MRTFA: variants seen among roughly 807,000 people sequenced by gnomAD.
The protein encoded by MRTFA is myocardin related transcription factor A, also known as myocardin-related transcription factor A.
Under a neutral mutation model 83.5 loss-of-function variants are expected in MRTFA, and 20 were observed. The ratio of observed to expected loss-of-function variants is 0.24; its 90% CI spans 0.17 to 0.35. MRTFA has a LOEUF of 0.35. MRTFA is among the 10% of genes least tolerant of loss of function. The probability of loss-of-function intolerance (pLI) is 1.00; values close to 1 mark genes in which losing one functional copy is unlikely to be tolerated. For synonymous variants in MRTFA, 659 were observed against 541.2 expected (o/e 1.22, Z -3.02); for missense variants, 1,200 against 1,224.7 (o/e 0.98, Z 0.30).
At position 40,418,660 on chromosome 22, in the gene MRTFA, G is replaced by A. The variant is rs1221781555; in HGVS notation, c.2078C>T (p.Pro693Leu). Residue 693 changes from proline (P) to leucine (L), a missense_variant, in exon 12 of 15, where the codon CCC (proline) becomes CTC (leucine). This residue lies in a region of MRTFA where 1,107 missense variants were observed against 1,041.8 expected (regional missense o/e 1.06). Coordinates refer to ENST00000355630, the MANE Select transcript of MRTFA (RefSeq NM_020831.6). ...CAGGCTGGGGTTGAATGGGTGAGCGGGGCCCAGGGGCTGCTGGCTCAGCTG... is the reference window on the plus strand; with the variant it reads ...CAGGCTGGGGTTGAATGGGTGAGCGAGGCCCAGGGGCTGCTGGCTCAGCTG... 1 of 1,527,308 alleles carries A rather than the reference G, an allele frequency of 6.5e-7. No homozygotes were observed. 94.6% of individuals were successfully genotyped at this position (1,527,308 alleles called of 1,614,324 possible).
chr22:40,433,298 T>G (rs1358274338), intron 5 of MRTFA: 1 of 152,544 alleles, frequency 6.6e-6, no homozygotes, highest in Non-Finnish European at 1.5e-5. Context: ...AAGGCATTCA[T>G]GACCACTGAA....
At chr22:40,470,659 G>C (rs1799599605) in intron 3 of MRTFA, among the ~76,000 whole-genome samples, 1 of 152,002 alleles carries the variant, frequency 6.6e-6, no homozygotes, top group African/African-American at 2.4e-5. Flanking sequence ...ACAGAAAACA[G>C]AAAAACAGGC....
At chr22:40,609,958 G>C (rs543626684) in intron 1 of MRTFA, among the ~76,000 whole-genome samples, 5 of 151,860 alleles carry the variant, frequency 3.3e-5, no homozygotes, top group African/African-American at 1.2e-4. Flanking sequence ...TCTAATCAGA[G>C]TAAAGAGGAT....
chr22:40,411,751 C>A lies in MRTFA; in HGVS notation c.2735G>T (p.Gly912Val), dbSNP rs201954672. Residue 912 changes from glycine to valine, a missense_variant, in exon 15 of 15, where the codon GGA (glycine) becomes GTA (valine). Gly to Val is a moderately radical substitution (Grantham distance 109). Coordinates refer to ENST00000355630, the MANE Select transcript of MRTFA (RefSeq NM_020831.6). ...GCTCTCCAGGAAGTCCTCCAGGCGTCCAGGGAGGGAGGGTGAGCCTGGAGG... is the reference window on the plus strand; with the variant it reads ...GCTCTCCAGGAAGTCCTCCAGGCGTACAGGGAGGGAGGGTGAGCCTGGAGG... 2.6e-6 allele frequency: 4 copies of A among 1,545,098 alleles called. No homozygotes were observed. Among genetic ancestry groups the A allele is most frequent in the Non-Finnish European group, 3.5e-6 (4 of 1,139,274 alleles).
Position 40,416,952 on chromosome 22 carries a change from G to A in MRTFA, c.2578+34C>T, listed in dbSNP as rs1443288296. The A allele has an allele frequency of 1.3e-6, 2 of 1,569,312 alleles. No homozygotes were observed. Among genetic ancestry groups the A allele is most frequent in the Non-Finnish European group, 1.7e-6 (2 of 1,154,538 alleles). ...CTAGAGACACCTATGAACAGAGAAGGCCGTCAGGGAGGCAGCAGGGGACCT... is the reference window on the plus strand; with the variant it reads ...CTAGAGACACCTATGAACAGAGAAGACCGTCAGGGAGGCAGCAGGGGACCT... On this transcript the variant is annotated intron_variant, in intron 14 of 14. Transcript: ENST00000355630. The surrounding 1 kb of genome is among the most constrained non-coding windows in gnomAD (Gnocchi z 4.2).
chr22:40,444,729 G>A (rs1055907078), intron 4 of MRTFA, among the ~76,000 whole-genome samples: 1 of 152,062 alleles, frequency 6.6e-6, no homozygotes, highest in Non-Finnish European at 1.5e-5. Context: ...CTGCATGGAG[G>A]TGGGCAGGGG....
intron 4 of MRTFA, among the ~76,000 whole-genome samples, chr22:40,457,228 G>C (rs559826805): frequency 6.6e-6 from 1 of 151,990 alleles, no homozygotes; most frequent in African/African-American, 2.4e-5. Context: ...AGCTGGGCGT[G>C]GTGGCCGGTC....
chr22:40,629,387 AG>A (rs1431188832), intron 1 of MRTFA, among the ~76,000 whole-genome samples: 3 of 151,632 alleles, frequency 2.0e-5, no homozygotes, highest in Admixed American at 6.6e-5. Flanking sequence ...CGGAGGTTGC[AG>A]TGAGCCAAGA....
At chr22:40,422,564 A>G (rs1255894986) in intron 9 of MRTFA, among the ~76,000 whole-genome samples, 1 of 152,240 alleles carries the variant, frequency 6.6e-6, no homozygotes, top group East Asian at 1.9e-4. Context: ...GAGGCCACTC[A>G]CTGCTCCCAA....
In MRTFA at chr22:40,538,985, C is replaced by CTTTTTTTTTTTTT. The variant is rs201694198; in HGVS notation, c.241+13120_241+13121insAAAAAAAAAAAAA. On this transcript the variant is annotated intron_variant, in intron 3 of 14. Coordinates refer to ENST00000355630, the MANE Select transcript of MRTFA (RefSeq NM_020831.6). ...GACATTATACTGCAGGATACACAGC[C>CTTTTTTTTTTTTT]TTTTGTTTTTTTTTTTTTTTTTTTT... Among the ~76,000 whole-genome samples the CTTTTTTTTTTTTT allele has an allele frequency of 4.7e-5, 5 of 106,888 alleles. 1 individual carries two copies. The highest frequency in any genetic ancestry group is 1.1e-4 in the African/African-American group (3 of 26,250). 70.1% of individuals were successfully genotyped at this position (106,888 alleles called of 152,430 possible). A position where few individuals can be genotyped will look rare whatever the true frequency, so the allele number is the denominator to read the frequency against.
intron 3 of MRTFA, among the ~76,000 whole-genome samples, chr22:40,519,296 T>G (rs547497393): frequency 2.2e-4 from 33 of 152,130 alleles, no homozygotes; most frequent in Non-Finnish European, 4.4e-4. Flanking sequence ...AATTTGAGGA[T>G]AAAACTCAGG....
intron 1 of MRTFA, among the ~76,000 whole-genome samples, chr22:40,629,378 G>A (rs933448726): frequency 9.2e-5 from 14 of 151,556 alleles, no homozygotes; most frequent in African/African-American, 1.9e-4. Flanking sequence ...CCCGGGAGAC[G>A]GAGGTTGCAG....
At chr22:40,429,421 C>T (rs2053021985) in intron 7 of MRTFA, 185 bp downstream of exon 7, 2 of 730,722 alleles carry the variant, frequency 2.7e-6, no homozygotes, top group South Asian at 3.0e-5. Flanking sequence ...GCAACAGGCA[C>T]TATCCCAAGT....
At chr22:40,494,710 T>C (rs893112280) in intron 3 of MRTFA, among the ~76,000 whole-genome samples, 1 of 151,686 alleles carries the variant, frequency 6.6e-6, no homozygotes, top group Non-Finnish European at 1.5e-5. Flanking sequence ...GGTACACCCC[T>C]TTAACAGAAT....
chr22:40,516,422 G>GAAAA (rs56745896), intron 3 of MRTFA, among the ~76,000 whole-genome samples: 15 of 46,962 alleles, frequency 3.2e-4, no homozygotes, highest in African/African-American at 6.2e-4. Context: ...ACTGCCTCAA[G>GAAAA]AAAAAAAAAA....
intron 4 of MRTFA, among the ~76,000 whole-genome samples, chr22:40,447,135 C>G (rs547585690): frequency 6.6e-6 from 1 of 151,700 alleles, no homozygotes; most frequent in Non-Finnish European, 1.5e-5. Context: ...GCAAGCAGAT[C>G]GCTTGAGGTC....
At chr22:40,633,747 C>A (rs1166531225) in intron 1 of MRTFA, among the ~76,000 whole-genome samples, 2 of 151,920 alleles carry the variant, frequency 1.3e-5, no homozygotes, top group Non-Finnish European at 2.9e-5. Flanking sequence ...ATTATATCGC[C>A]TTAGTGACTA....
At chr22:40,571,915 C>T (rs1479962538) in intron 2 of MRTFA, among the ~76,000 whole-genome samples, 1 of 104,170 alleles carries the variant, frequency 9.6e-6, no homozygotes, top group Non-Finnish European at 1.8e-5. Flanking sequence ...CAGAGCAAGA[C>T]TCTGTCAAAA....
chr22:40,509,436 T>C (rs1276192911), intron 3 of MRTFA, among the ~76,000 whole-genome samples: 1 of 152,228 alleles, frequency 6.6e-6, no homozygotes, highest in African/African-American at 2.4e-5. Flanking sequence ...TAATCCAGGA[T>C]TGATAAAAAG....
Sources: gnomAD v4.1 joint callset for allele counts (sites outside exome capture counted in the v4.1 genomes callset) on GRCh38, gnomAD v4.1.1 for gene constraint, gnomAD v4.1.1 regional missense constraint, Gnocchi (gnomAD v3.1) non-coding constraint, MANE v1.5 for transcripts, NCBI Gene and HGNC (gene_info 2026-07-23, HGNC 2026-07-21) for gene names.